The following NUP107 variants were observed in gnomAD, a reference collection of about 807,000 sequenced individuals.
The protein encoded by NUP107 is nuclear pore complex protein Nup107.
A neutral mutation model predicts 141.0 loss-of-function variants in NUP107; 101 were observed. The ratio of observed to expected loss-of-function variants is 0.72; its 90% CI spans 0.61 to 0.84. The LOEUF (loss-of-function observed/expected upper bound fraction) is 0.84, where lower values mean the gene tolerates loss of function less well. NUP107 is among the 40% of genes least tolerant of loss of function. The pLI is 0.00. For missense variants in NUP107, 941 were observed against 1,102.7 expected (o/e 0.85, Z 2.08); for synonymous variants, 319 against 363.9 (o/e 0.88, Z 1.41).
At chr12:68,720,318 T>C (rs1394949391) in intron 14 of NUP107, among the ~76,000 whole-genome samples, 1 of 152,176 alleles carries the variant, frequency 6.6e-6, no homozygotes, top group Non-Finnish European at 1.5e-5. Flanking sequence ...GAAAAAGGCC[T>C]AAAGTTTGCT....
intron 22 of NUP107, among the ~76,000 whole-genome samples, chr12:68,732,382 C>T (rs549301928): frequency 5.3e-5 from 8 of 152,124 alleles, no homozygotes; most frequent in Non-Finnish European, 1.0e-4. Flanking sequence ...GAGATCCGCT[C>T]GCCTGGGCTT....
At chr12:68,722,224 A>C (rs1877385310) in intron 17 of NUP107, 72 bp downstream of exon 17, 3 of 1,238,610 alleles carry the variant, frequency 2.4e-6, no homozygotes, top group African/African-American at 3.1e-5. Flanking sequence ...ACTGTAGCTG[A>C]AAGGAAAAAG....
chr12:68,689,040 G>C lies in NUP107; in HGVS notation c.87G>C (p.Gln29His). 6.2e-7 allele frequency: 1 copy of C among 1,612,154 alleles called. No individual in the cohort carries two copies. The highest frequency in any genetic ancestry group is 8.5e-7 in the Non-Finnish European group (1 of 1,178,654). Reference sequence around the variant, plus strand: ...GGACTGCACGGAAACAGAGTGCTCAGAAAAGAGTTTTACGTATCCTTTGCG... The same window carrying C: ...GGACTGCACGGAAACAGAGTGCTCACAAAAGAGTTTTACGTATCCTTTGCG... ...VTRTARKQSA[Q>H]KRVLLQASQD... The change falls in exon 2 of 28, where the codon CAG (glutamine) becomes CAC (histidine). Residue 29 changes from glutamine to histidine, a missense_variant. Coordinates refer to ENST00000229179, the MANE Select transcript of NUP107 (RefSeq NM_020401.4).
Position 68,690,717 on chromosome 12 carries a change from T to G in NUP107, c.274T>G (p.Ser92Ala). 1 of 1,614,138 alleles carries G rather than the reference T, an allele frequency of 6.2e-7. No homozygotes were observed. The highest frequency in any genetic ancestry group is 8.5e-7 in the Non-Finnish European group (1 of 1,180,012). Reference protein sequence around the residue: ...TGGKSPRLTQSSGFFGNLSMV... With the variant: ...TGGKSPRLTQASGFFGNLSMV... ...AGGGAAGTCGCCCCGACTTACGCAG[T>G]CTTCAGGGTTCTTTGGAAATCTCTC... is the stretch of plus-strand genomic sequence containing the variant. Residue 92 changes from serine to alanine, a missense_variant, in exon 4 of 28, where the codon TCT becomes GCT. Physicochemically the swap from Ser to Ala is moderately conservative, Grantham distance 99 (BLOSUM62 1). Coordinates refer to ENST00000229179, the MANE Select transcript of NUP107 (RefSeq NM_020401.4).
At chr12:68,701,856 G>A (rs1272939346) in intron 7 of NUP107, among the ~76,000 whole-genome samples, 1 of 151,940 alleles carries the variant, frequency 6.6e-6, no homozygotes, top group African/African-American at 2.4e-5. Context: ...TGTTGCTCAG[G>A]TTGAGTGCAG....
intron 10 of NUP107, among the ~76,000 whole-genome samples, chr12:68,713,200 C>T (rs1228597808): frequency 6.6e-6 from 1 of 151,482 alleles, no homozygotes; most frequent in Non-Finnish European, 1.5e-5. Context: ...CAGTGAGACC[C>T]CCATCTCTAC....
At chr12:68,700,450 GA>G (rs1193856790) in intron 6 of NUP107, among the ~76,000 whole-genome samples, 1 of 151,926 alleles carries the variant, frequency 6.6e-6, no homozygotes, top group Non-Finnish European at 1.5e-5. Context: ...TATACAGGGA[GA>G]AAAAAATATA....
chr12:68,698,002 C>T (rs1230213269), intron 6 of NUP107, among the ~76,000 whole-genome samples: 5 of 147,330 alleles, frequency 3.4e-5, no homozygotes, highest in South Asian at 2.1e-4. Flanking sequence ...CACTCCAGCC[C>T]GGGCGATAGA....
At chr12:68,700,877 G>T in intron 7 of NUP107, 24 bp downstream of exon 7, 1 of 1,547,304 alleles carries the variant, frequency 6.5e-7, no homozygotes, top group Non-Finnish European at 8.7e-7. Context: ...GAATTCATAA[G>T]TGAAATAAAC....
chr12:68,705,210 A>C (rs1876520020), intron 8 of NUP107, among the ~76,000 whole-genome samples: 1 of 152,184 alleles, frequency 6.6e-6, no homozygotes, highest in Non-Finnish European at 1.5e-5. Flanking sequence ...ACATGTAGGA[A>C]GACTGTCATA....
intron 4 of NUP107, 29 bp downstream of exon 4, chr12:68,690,775 C>A: frequency 1.2e-6 from 2 of 1,610,350 alleles, no homozygotes; most frequent in Non-Finnish European, 1.7e-6. Flanking sequence ...CTAAGAACTC[C>A]TTTTGGGTCG....
At chr12:68,710,576 A>C (rs1357596641) in intron 10 of NUP107, among the ~76,000 whole-genome samples, 3 of 151,084 alleles carry the variant, frequency 2.0e-5, no homozygotes, top group Non-Finnish European at 4.4e-5. Flanking sequence ...AATCGCTGAA[A>C]TCCAGGAGGT....
chr12:68,708,253 T>G (rs114199614), intron 8 of NUP107, among the ~76,000 whole-genome samples: 25 of 152,078 alleles, frequency 1.6e-4, no homozygotes, highest in Non-Finnish European at 3.5e-4. Context: ...GTCTAACTTA[T>G]GAGGATATAT....
At chr12:68,721,446 T>G (rs1397635090) in intron 15 of NUP107, among the ~76,000 whole-genome samples, 1 of 152,188 alleles carries the variant, frequency 6.6e-6, no homozygotes, top group Non-Finnish European at 1.5e-5. Context: ...AACACACATT[T>G]ATTGATGACT....
chr12:68,712,310 G>A (rs963572901), intron 10 of NUP107, among the ~76,000 whole-genome samples: 1 of 149,738 alleles, frequency 6.7e-6, no homozygotes, highest in African/African-American at 2.5e-5. Context: ...TGGTAAAACC[G>A]CATCTCTACT....
intron 22 of NUP107, 46 bp downstream of exon 22, chr12:68,731,765 C>CTT: frequency 9.6e-7 from 1 of 1,040,044 alleles, no homozygotes; most frequent in Non-Finnish European, 1.4e-6. Flanking sequence ...TTCTAATAAT[C>CTT]TTTTATGTTA....
At chr12:68,698,401 A>C (rs1876172253) in intron 6 of NUP107, among the ~76,000 whole-genome samples, 1 of 152,250 alleles carries the variant, frequency 6.6e-6, no homozygotes, top group Admixed American at 6.5e-5. Context: ...CTGCAGTTTC[A>C]TACAAAACTA....
At position 68,725,936 on chromosome 12, in the gene NUP107, A is replaced by G. The variant is rs574998195; in HGVS notation, c.1576+140A>G. The G allele has an allele frequency of 4.4e-4, 243 of 555,102 alleles. 1 individual carries two copies. The highest frequency in any genetic ancestry group is 9.3e-4 in the Admixed American group (25 of 26,894). The allele number at this position is 555,102 out of a possible 1,614,324, so 34.4% of individuals were successfully genotyped here. A position where few individuals can be genotyped will look rare whatever the true frequency, so the allele number is the denominator to read the frequency against. On this transcript the variant is annotated intron_variant, in intron 18 of 27. Transcript: ENST00000229179. The stretch of plus-strand genomic sequence containing the variant: ...ACTGCAACCTCTGTCTCCTGGGTTC[A>G]CAAGATCCTTCAGTCTCAGCCTCCT...
chr12:68,721,723 T>C (rs1877357601), intron 15 of NUP107, 118 bp from the exon 16 acceptor site: 1 of 997,012 alleles, frequency 1.0e-6, no homozygotes, highest in Non-Finnish European at 1.5e-6. Context: ...TTTTAAAATC[T>C]GCCGTGTTTT....
Sources: gnomAD v4.1 joint callset for allele counts (sites outside exome capture counted in the v4.1 genomes callset) on GRCh38, gnomAD v4.1.1 for gene constraint, MANE v1.5 for transcripts, NCBI Gene and HGNC (gene_info 2026-07-23, HGNC 2026-07-21) for gene names.